Variants in NCS1 observed in about 807,000 individuals in gnomAD.
NCS1 encodes the protein neuronal calcium sensor 1, also known as frequenin homolog.
Under a neutral mutation model 28.4 loss-of-function variants are expected in NCS1, and 6 were observed. The observed-to-expected ratio is 0.21, with a 90% CI of 0.12 to 0.42. NCS1 has a LOEUF of 0.42. Ranked by LOEUF, NCS1 falls within the 10% of genes least tolerant of loss-of-function variation. The pLI is 1.00. For synonymous variants in NCS1, 86 were observed against 99.3 expected, an observed-to-expected ratio of 0.87 and a Z score of 0.79; for missense variants, 131 against 241.4, an observed-to-expected ratio of 0.54 and a Z score of 3.03.
chr9:130,222,342 G>A (rs966168264), intron 4 of NCS1, among the ~76,000 whole-genome samples: 4 of 151,608 alleles, frequency 2.6e-5, no homozygotes, highest in Non-Finnish European at 2.9e-5. Context: ...TTGTAGAGAC[G>A]GGGTTTTGCC....
intron 1 of NCS1, among the ~76,000 whole-genome samples, chr9:130,197,734 A>C (rs1016871549): frequency 6.6e-6 from 1 of 152,164 alleles, no homozygotes; most frequent in Non-Finnish European, 1.5e-5. Context: ...AGGCCAAGGC[A>C]GACGTATCAC....
chr9:130,174,414 GA>G (rs1554904398), intron 1 of NCS1, among the ~76,000 whole-genome samples: 1 of 152,194 alleles, frequency 6.6e-6, no homozygotes, highest in African/African-American at 2.4e-5. Context: ...TACAGATGGG[GA>G]AACTAAGGCT....
intron 1 of NCS1, chr9:130,200,545 C>A: frequency 6.4e-7 from 1 of 1,551,234 alleles, no homozygotes; most frequent in Non-Finnish European, 8.7e-7. Context: ...GGTGGGGCAG[C>A]CGAGTGCCTG....
In NCS1 at chr9:130,177,119, C is replaced by T. The variant is rs957166305; in HGVS notation, c.64+4392C>T. Among the ~76,000 whole-genome samples, 9 of 152,178 alleles carry T rather than the reference C, an allele frequency of 5.9e-5. No individual in the cohort carries two copies. Among genetic ancestry groups the T allele is most frequent in the South Asian group, 2.1e-4 (1 of 4,826 alleles). On this transcript the variant is annotated intron_variant, in intron 1 of 7. Transcript: ENST00000372398. The surrounding 1 kb of genome is among the most constrained non-coding windows in gnomAD (Gnocchi z 4.4). ...TTTTCCCTAATGCCCAGAATGGTGC[C>T]GGCACACAGGAGCAGGTGGAGGGCA...
At chr9:130,207,403 C>T (rs1833039914) in intron 2 of NCS1, among the ~76,000 whole-genome samples, 1 of 152,226 alleles carries the variant, frequency 6.6e-6, no homozygotes, top group East Asian at 1.9e-4. Context: ...CGAGCTCATC[C>T]CACCTCAGAG....
intron 1 of NCS1, among the ~76,000 whole-genome samples, chr9:130,195,368 G>A (rs1395939636): frequency 1.3e-5 from 2 of 152,116 alleles, no homozygotes; most frequent in African/African-American, 4.8e-5. Context: ...ATGTGAAGGG[G>A]GCTTCCCAAG....
intron 1 of NCS1, among the ~76,000 whole-genome samples, chr9:130,189,858 CAAAAAAA>C (rs869189538): frequency 1.6e-4 from 7 of 43,112 alleles, no homozygotes; most frequent in Admixed American, 7.4e-4. Context: ...GACTCCATCT[CAAAAAAA>C]AAAAAAAAAA....
At chr9:130,189,568 A>G (rs1329510316) in intron 1 of NCS1, among the ~76,000 whole-genome samples, 2 of 152,042 alleles carry the variant, frequency 1.3e-5, no homozygotes, top group Non-Finnish European at 2.9e-5. Context: ...TTGGCCAGCC[A>G]CGGTGGCTCA....
chr9:130,224,572 A>T (rs1376107086), intron 6 of NCS1, among the ~76,000 whole-genome samples: 3 of 151,582 alleles, frequency 2.0e-5, no homozygotes, highest in African/African-American at 2.4e-5. Context: ...AAAAAAAATA[A>T]AATAAAAGGA....
In NCS1 at chr9:130,186,679, C is replaced by T. The variant is rs997845676; in HGVS notation, c.64+13952C>T. On this transcript the variant is annotated intron_variant, in intron 1 of 7. Coordinates refer to ENST00000372398, the MANE Select transcript of NCS1 (RefSeq NM_014286.4). This position sits in a 1 kb window ranked among gnomAD's most constrained non-coding sequence, Gnocchi z 4.1. ...AGCCAAATTGGTCACAGAAGCCACACGGTCACATCTAATGTCATGGCCAGT... is the reference window on the plus strand; with the variant it reads ...AGCCAAATTGGTCACAGAAGCCACATGGTCACATCTAATGTCATGGCCAGT... Among the ~76,000 whole-genome samples the T allele has an allele frequency of 2.5e-4, 38 of 152,264 alleles. No individual in the cohort carries two copies. Among genetic ancestry groups the T allele is most frequent in the African/African-American group, 7.5e-4 (31 of 41,536 alleles).
intron 1 of NCS1, among the ~76,000 whole-genome samples, chr9:130,173,173 TCGCCC>T (rs1832512663): frequency 1.4e-5 from 2 of 146,594 alleles, no homozygotes; most frequent in Non-Finnish European, 3.0e-5. Context: ...GATTGGCCTG[TCGCCC>T]CCTCCCTGGC....
At position 130,234,750 on chromosome 9, in the gene NCS1, C is replaced by T. The variant is rs2131167526; in HGVS notation, c.*1778C>T. ...TGTCATGTGGCACACCTTGTCCCTT[C>T]CCGCAGCATTTCCTGGTTCCCCCCA... is the stretch of plus-strand genomic sequence containing the variant. On this transcript the variant is annotated 3_prime_UTR_variant, in exon 8 of 8. Coordinates refer to ENST00000372398, the MANE Select transcript of NCS1 (RefSeq NM_014286.4). The surrounding 1 kb of genome is among the most constrained non-coding windows in gnomAD (Gnocchi z 6.1). The T allele has an allele frequency of 6.6e-6, 1 of 152,428 alleles. No individual in the cohort carries two copies. The highest frequency in any genetic ancestry group is 2.4e-5 in the African/African-American group (1 of 41,550). The allele number at this position is 152,428 out of a possible 1,614,324, so 9.4% of individuals were successfully genotyped here.
Position 130,219,745 on chromosome 9 carries a change from C to T in NCS1, c.249C>T (p.Ser83=), listed in dbSNP as rs1417102355. Residue 83 remains serine (S), a synonymous_variant, in exon 4 of 8, where the codon TCC becomes TCT. Transcript: ENST00000372398. The surrounding 1 kb of genome is among the most constrained non-coding windows in gnomAD (Gnocchi z 5.7). ...DENKDGRIEF[S]EFIQALSVTS... ...GTCAGGACGGGCGAATTGAGTTCTC[C>T]GAGTTCATCCAGGCGCTGTCGGTGA... 9.3e-6 allele frequency: 15 copies of T among 1,614,110 alleles called. No homozygotes were observed. In the East Asian group the frequency reaches 1.1e-4, roughly 12 times the overall value.
At chr9:130,179,818 T>C (rs1160616256) in intron 1 of NCS1, among the ~76,000 whole-genome samples, 1 of 152,180 alleles carries the variant, frequency 6.6e-6, no homozygotes, top group Admixed American at 6.5e-5. Flanking sequence ...TGGGGCCAAG[T>C]AGTTCAATGC....
intron 2 of NCS1, among the ~76,000 whole-genome samples, chr9:130,210,639 CAG>C (rs1249930542): frequency 2.0e-5 from 3 of 152,036 alleles, no homozygotes; most frequent in Non-Finnish European, 2.9e-5. Context: ...CAGGCCCACT[CAG>C]GGGTCTGAAA....
intron 1 of NCS1, among the ~76,000 whole-genome samples, chr9:130,174,429 A>T (rs1333717925): frequency 1.3e-5 from 2 of 152,170 alleles, no homozygotes; most frequent in Non-Finnish European, 1.5e-5. Context: ...TAAGGCTCAG[A>T]GGGGCAAAGT....
chr9:130,221,419 G>T (rs1267726255), intron 4 of NCS1, among the ~76,000 whole-genome samples: 15 of 62,878 alleles, frequency 2.4e-4, no homozygotes, highest in African/African-American at 8.6e-4. Flanking sequence ...TATATAGAGA[G>T]AGAGAGAGAG....
intron 7 of NCS1, among the ~76,000 whole-genome samples, chr9:130,230,932 T>C (rs1407347964): frequency 6.6e-6 from 1 of 152,178 alleles, no homozygotes; most frequent in Non-Finnish European, 1.5e-5. Flanking sequence ...AATAATTCCT[T>C]AATATCCTCT....
chr9:130,182,199 A>G (rs1005259626), intron 1 of NCS1, among the ~76,000 whole-genome samples: 1 of 152,144 alleles, frequency 6.6e-6, no homozygotes, highest in Non-Finnish European at 1.5e-5. Context: ...AGGCCCAGGC[A>G]AGTTCAGGGA....
Sources: gnomAD v4.1 joint callset for allele counts (sites outside exome capture counted in the v4.1 genomes callset) on GRCh38, gnomAD v4.1.1 for gene constraint, Gnocchi (gnomAD v3.1) non-coding constraint, MANE v1.5 for transcripts, NCBI Gene and HGNC (gene_info 2026-07-23, HGNC 2026-07-21) for gene names.